The following HPSE2 variants were observed in gnomAD, a reference collection of about 807,000 sequenced individuals.
The protein encoded by HPSE2 is heparanase 2 (inactive).
Under a neutral mutation model 60.5 loss-of-function variants are expected in HPSE2, and 38 were observed. That is an observed-to-expected ratio of 0.63 (90% CI 0.48 to 0.82). The LOEUF (loss-of-function observed/expected upper bound fraction) is 0.82, where lower values mean the gene tolerates loss of function less well. Ranked by LOEUF, HPSE2 falls within the 40% of genes least tolerant of loss-of-function variation. HPSE2 has a pLI of 0.00. For synonymous variants in HPSE2, 295 were observed against 293.2 expected (o/e 1.01, Z -0.06); for missense variants, 713 against 740.4 (o/e 0.96, Z 0.43).
chr10:99,227,585 G>A (rs899289216), intron 2 of HPSE2, among the ~76,000 whole-genome samples: 4 of 151,854 alleles, frequency 2.6e-5, no homozygotes, highest in African/African-American at 9.7e-5. Flanking sequence ...TGTTGAAAGT[G>A]TAAAATGAAT....
At chr10:98,625,626 C>T (rs1946186532) in intron 7 of HPSE2, among the ~76,000 whole-genome samples, 1 of 152,220 alleles carries the variant, frequency 6.6e-6, no homozygotes, top group East Asian at 1.9e-4. Flanking sequence ...TCCTTGGAAA[C>T]GGCAACTTTA....
intron 9 of HPSE2, among the ~76,000 whole-genome samples, chr10:98,591,264 T>C (rs1945081996): frequency 6.6e-6 from 1 of 152,244 alleles, no homozygotes; most frequent in African/African-American, 2.4e-5. Context: ...ACAATTTACA[T>C]GGAGCACCAC....
intron 11 of HPSE2, among the ~76,000 whole-genome samples, chr10:98,463,605 C>T (rs1940400154): frequency 6.6e-6 from 1 of 150,524 alleles, no homozygotes; most frequent in Non-Finnish European, 1.5e-5. Flanking sequence ...AATTTGAGAC[C>T]AGCCTGGGCA....
intron 9 of HPSE2, among the ~76,000 whole-genome samples, chr10:98,517,592 T>C (rs2133763180): frequency 6.6e-6 from 1 of 152,330 alleles, no homozygotes; most frequent in South Asian, 2.1e-4. Flanking sequence ...TTGTTAATCC[T>C]CACTTAAGAA....
intron 3 of HPSE2, among the ~76,000 whole-genome samples, chr10:98,899,304 T>C (rs1953591373): frequency 6.6e-6 from 1 of 152,148 alleles, no homozygotes; most frequent in Non-Finnish European, 1.5e-5. Context: ...ATTTTAAAAA[T>C]CGATAAATTT....
chr10:98,652,489 A>G (rs529506840), intron 6 of HPSE2, among the ~76,000 whole-genome samples: 1 of 152,220 alleles, frequency 6.6e-6, no homozygotes, highest in South Asian at 2.1e-4. Flanking sequence ...TTATACCACC[A>G]CTTGTCCAAT....
chr10:99,305,969 GCGCGCGCGCGCACACACACA>G, the HPSE2 span, among the ~76,000 whole-genome samples: 408 of 50,922 alleles, frequency 8.0e-3, 4 homozygotes, highest in African/African-American at 0.037. Flanking sequence ...ACACGCGCGC[GCGCGCGCGCGCACACACACA>G]CACACACACA....
At chr10:98,534,229 C>T (rs1943214112) in intron 9 of HPSE2, among the ~76,000 whole-genome samples, 1 of 152,116 alleles carries the variant, frequency 6.6e-6, no homozygotes, top group Admixed American at 6.5e-5. Flanking sequence ...AGTTCCTTCC[C>T]ACTTGGTGCT....
At chr10:98,625,501 A>T (rs1490433975) in intron 7 of HPSE2, among the ~76,000 whole-genome samples, 1 of 152,212 alleles carries the variant, frequency 6.6e-6, no homozygotes, top group East Asian at 1.9e-4. Flanking sequence ...ATGTGTTATC[A>T]AGCTCGTTAT....
intron 3 of HPSE2, among the ~76,000 whole-genome samples, chr10:98,866,613 G>A (rs1952593803): frequency 6.6e-6 from 1 of 151,922 alleles, no homozygotes; most frequent in Non-Finnish European, 1.5e-5. Context: ...TGTAGACAGA[G>A]AAGAAAAACA....
At chr10:98,960,730 T>TTTTTTTTTTTTG (rs1955647062) in intron 3 of HPSE2, among the ~76,000 whole-genome samples, 2 of 24,796 alleles carry the variant, frequency 8.1e-5, no homozygotes, top group Admixed American at 3.4e-4. Flanking sequence ...TGTTTTATTT[T>TTTTTTTTTTTTG]TTTTATTTTA....
At chr10:99,095,093 G>C (rs1317060388) in intron 3 of HPSE2, among the ~76,000 whole-genome samples, 4 of 151,996 alleles carry the variant, frequency 2.6e-5, no homozygotes, top group Admixed American at 2.0e-4. Flanking sequence ...GGCTGAGGCA[G>C]GAGTATCACC....
chr10:98,499,779 G>A (rs1941969709), intron 9 of HPSE2, among the ~76,000 whole-genome samples: 1 of 152,136 alleles, frequency 6.6e-6, no homozygotes, highest in Non-Finnish European at 1.5e-5. Context: ...GCCTTCAAGA[G>A]ACTCACCTAA....
intron 9 of HPSE2, among the ~76,000 whole-genome samples, chr10:98,564,000 T>C (rs1446299183): frequency 1.3e-5 from 2 of 152,232 alleles, no homozygotes; most frequent in African/African-American, 4.8e-5. Flanking sequence ...CTACTTTCCA[T>C]GCCTGTCAAG....
At chr10:98,735,564 C>A (rs921934240) in intron 4 of HPSE2, among the ~76,000 whole-genome samples, 1 of 151,890 alleles carries the variant, frequency 6.6e-6, no homozygotes, top group African/African-American at 2.4e-5. Flanking sequence ...GACTCAATGC[C>A]AGCCCATGAA....
chr10:98,558,573 C>T (rs1053731234), intron 9 of HPSE2, among the ~76,000 whole-genome samples: 5 of 152,108 alleles, frequency 3.3e-5, no homozygotes, highest in African/African-American at 1.2e-4. Context: ...ACATCATTTG[C>T]AGTCAGGATA....
chr10:98,736,122 C>G (rs544606275), intron 4 of HPSE2, among the ~76,000 whole-genome samples: 18 of 152,110 alleles, frequency 1.2e-4, no homozygotes, highest in Admixed American at 4.6e-4. Context: ...ATAATTGAAT[C>G]ATGGGGTCAG....
intron 3 of HPSE2, among the ~76,000 whole-genome samples, chr10:99,119,025 GGAAAAGAAAGAAAGAAAA>G (rs1436158713): frequency 2.2e-5 from 3 of 136,280 alleles, no homozygotes; most frequent in Admixed American, 8.0e-5. Flanking sequence ...AAGAAAGAAA[GGAAAAGAAAGAAAGAAAA>G]GAAAAGAAAG....
At chr10:98,499,687 T>C (rs919070725) in intron 9 of HPSE2, among the ~76,000 whole-genome samples, 11 of 152,174 alleles carry the variant, frequency 7.2e-5, no homozygotes, top group African/African-American at 2.7e-4. Context: ...AGTACTAACA[T>C]TGAATGTAAA....
Sources: allele counts gnomAD v4.1 joint callset (sites outside exome capture counted in the v4.1 genomes callset), GRCh38; gene constraint gnomAD v4.1.1; transcripts MANE v1.5; gene names NCBI Gene and HGNC (gene_info 2026-07-23, HGNC 2026-07-21).